The following TRADD variants were observed in gnomAD, a reference collection of about 807,000 sequenced individuals.
TRADD encodes tumor necrosis factor receptor type 1-associated DEATH domain protein.
A neutral mutation model predicts 31.5 loss-of-function variants in TRADD; 14 were observed. The ratio of observed to expected loss-of-function variants is 0.44; its 90% confidence interval spans 0.29 to 0.69. The LOEUF (loss-of-function observed/expected upper bound fraction) is 0.69, where lower values mean the gene tolerates loss of function less well. Among genes scored for constraint, TRADD ranks in the 30% least tolerant of loss-of-function variants. The pLI is 0.11. For synonymous variants in TRADD, 220 were observed against 215.8 expected, an observed-to-expected ratio of 1.02 and a Z score of -0.17; for missense variants, 388 against 435.7, an observed-to-expected ratio of 0.89 and a Z score of 0.97.
chr16:67,154,738 G>T lies in TRADD; in HGVS notation c.850C>A (p.Arg284Ser), dbSNP rs772642482. Residue 284 changes from arginine (R) to serine (S), a missense_variant, in exon 5 of 5, where the codon CGC (arginine) becomes AGC (serine). Transcript: ENST00000345057. This position sits in a 1 kb window ranked among gnomAD's most constrained non-coding sequence, Gnocchi z 5.2. The stretch of plus-strand genomic sequence containing the variant: ...TTCTCCTCGAGTGCCTCCACCAGGC[G>T]CTGCAGCGTGGCGCGGCGGCCCTCG... The part of the protein sequence containing the change: ...QAEGRRATLQ[R>S]LVEALEENEL... 1 of 1,611,180 alleles carries T rather than the reference G, an allele frequency of 6.2e-7. No individual in the cohort carries two copies. The highest frequency in any genetic ancestry group is 8.5e-7 in the Non-Finnish European group (1 of 1,179,150).
chr16:67,158,411 C>T (rs923382776), intron 1 of TRADD, among the ~76,000 whole-genome samples: 2 of 152,178 alleles, frequency 1.3e-5, no homozygotes, highest in African/African-American at 2.4e-5. Flanking sequence ...AGCGATCTGC[C>T]CACCTCAGCT....
chr16:67,156,361 C>A lies in TRADD; in HGVS notation c.151+149G>T. On this transcript the variant is annotated intron_variant, in intron 2 of 4. Coordinates refer to ENST00000345057, the MANE Select transcript of TRADD (RefSeq NM_003789.4). This position sits in a 1 kb window ranked among gnomAD's most constrained non-coding sequence, Gnocchi z 4.6. Reference sequence around the variant, plus strand: ...CACGCCTATCCTCAAGGTCATGCCACAAGCAAAGAAGAGAGTCTGCACAGC... The same window carrying A: ...CACGCCTATCCTCAAGGTCATGCCAAAAGCAAAGAAGAGAGTCTGCACAGC... The A allele has an allele frequency of 7.6e-7, 1 of 1,313,568 alleles. No individual in the cohort carries two copies. The highest frequency in any genetic ancestry group is 1.1e-6 in the Non-Finnish European group (1 of 948,212). 81.4% of individuals were successfully genotyped at this position (1,313,568 alleles called of 1,614,324 possible).
rs1313624958 is a variant in TRADD at position 67,159,102 on chromosome 16, T to C, written c.-9+736A>G. On this transcript the variant is annotated intron_variant, in intron 1 of 4. Coordinates refer to ENST00000345057, the MANE Select transcript of TRADD (RefSeq NM_003789.4). The surrounding 1 kb of genome is among the most constrained non-coding windows in gnomAD (Gnocchi z 6.8). ...GGGTAAAGAGGCCAGGGCCCTAGTT[T>C]CGCATCCGCCGACTGGCAGCTCTTC... Among the ~76,000 whole-genome samples the C allele has an allele frequency of 6.6e-6, 1 of 152,234 alleles. No homozygotes were observed. The highest frequency in any genetic ancestry group is 2.4e-5 in the African/African-American group (1 of 41,454).
In TRADD at chr16:67,155,473, C is replaced by A. The variant is rs569596640; in HGVS notation, c.333G>T (p.Ser111=). ...RSLAAALAQH[S]VPLQLELRAG... ...CGCGCAGCTCCAGTTGCAGCGGCAC[C>A]GAGTGCTGGGCGAGCGCGGCCGCCA... Residue 111 remains serine, a synonymous_variant, in exon 3 of 5, where the codon TCG becomes TCT. Transcript: ENST00000345057. 3 of 1,586,060 alleles carry A rather than the reference C, an allele frequency of 1.9e-6. No homozygotes were observed. The highest frequency in any genetic ancestry group is 1.1e-5 in the South Asian group (1 of 89,460).
intron 2 of TRADD, chr16:67,155,857 G>C: frequency 6.7e-7 from 1 of 1,499,280 alleles, no homozygotes; most frequent in Non-Finnish European, 8.9e-7. Context: ...CTGTCACAGG[G>C]AGCACCCTAA....
rs2030652203 is a variant in TRADD at position 67,155,494 on chromosome 16, C to G, written c.312G>C (p.Ala104=). The G allele has an allele frequency of 1.3e-6, 2 of 1,555,926 alleles. No individual in the cohort carries two copies. The highest frequency in any genetic ancestry group is 1.4e-5 in the African/African-American group (1 of 73,970). Residue 104 remains alanine, a synonymous_variant, in exon 3 of 5, where the codon GCG becomes GCC. Coordinates refer to ENST00000345057, the MANE Select transcript of TRADD (RefSeq NM_003789.4). ...ALRAALQRSL[A]AALAQHSVPL... is the part of the protein sequence containing the mutation. ...GCACCGAGTGCTGGGCGAGCGCGGC[C>G]GCCAGGCTCCTCTGCAGCGCGGCGC...
chr16:67,154,592 C>T lies in TRADD; in HGVS notation c.*57G>A. The T allele has an allele frequency of 6.4e-7, 1 of 1,573,474 alleles. No homozygotes were observed. The highest frequency in any genetic ancestry group is 8.6e-7 in the Non-Finnish European group (1 of 1,161,016). On this transcript the variant is annotated 3_prime_UTR_variant, in exon 5 of 5. Coordinates refer to ENST00000345057, the MANE Select transcript of TRADD (RefSeq NM_003789.4). The surrounding 1 kb of genome is among the most constrained non-coding windows in gnomAD (Gnocchi z 5.2). ...TGGATGGACAGGGGTTCAGCAATAGCCGCAGAAGGAACCCTAAGGCCATCC... is the reference window on the plus strand; with the variant it reads ...TGGATGGACAGGGGTTCAGCAATAGTCGCAGAAGGAACCCTAAGGCCATCC...
At position 67,154,576 on chromosome 16, in the gene TRADD, A is replaced by C; in HGVS notation, c.*73T>G. 4.6e-6 allele frequency: 7 copies of C among 1,536,708 alleles called. No individual in the cohort carries two copies. The highest frequency in any genetic ancestry group is 6.2e-6 in the Non-Finnish European group (7 of 1,136,858). On this transcript the variant is annotated 3_prime_UTR_variant, in exon 5 of 5. Coordinates refer to ENST00000345057, the MANE Select transcript of TRADD (RefSeq NM_003789.4). This position sits in a 1 kb window ranked among gnomAD's most constrained non-coding sequence, Gnocchi z 5.2. ...GAGTTTCAGGGTCCCGTGGATGGAC[A>C]GGGGTTCAGCAATAGCCGCAGAAGG...
chr16:67,154,630 A>G lies in TRADD; in HGVS notation c.*19T>C. 1 of 1,610,174 alleles carries G rather than the reference A, an allele frequency of 6.2e-7. No individual in the cohort carries two copies. Among genetic ancestry groups the G allele is most frequent in the South Asian group, 1.1e-5 (1 of 90,416 alleles). On this transcript the variant is annotated 3_prime_UTR_variant, in exon 5 of 5. Coordinates refer to ENST00000345057, the MANE Select transcript of TRADD (RefSeq NM_003789.4). This position sits in a 1 kb window ranked among gnomAD's most constrained non-coding sequence, Gnocchi z 5.2. Reference sequence around the variant, plus strand: ...CCTAAGGCCATCCAGGTTCTCCAAAAGCTGGCTGCACCCCTGGTCTAGGCC... The same window carrying G: ...CCTAAGGCCATCCAGGTTCTCCAAAGGCTGGCTGCACCCCTGGTCTAGGCC...
Position 67,156,462 on chromosome 16 carries a change from A to C in TRADD, c.151+48T>G, listed in dbSNP as rs780146273. The C allele has an allele frequency of 6.2e-7, 1 of 1,603,488 alleles. No individual in the cohort carries two copies. Among genetic ancestry groups the C allele is most frequent in the Non-Finnish European group, 8.5e-7 (1 of 1,179,868 alleles). On this transcript the variant is annotated intron_variant, in intron 2 of 4. Coordinates refer to ENST00000345057, the MANE Select transcript of TRADD (RefSeq NM_003789.4). The surrounding 1 kb of genome is among the most constrained non-coding windows in gnomAD (Gnocchi z 4.6). The stretch of plus-strand genomic sequence containing the variant: ...GGCTAAACCCAGGCCCACCCACAAA[A>C]TGCTCCAGGCCACCCCTTCCTCTCC...
chr16:67,156,336 C>CA lies in TRADD; in HGVS notation c.151+173dup. Reference sequence around the variant, plus strand: ...TAAATCATACACAGACTCGAGAACACACGCCTATCCTCAAGGTCATGCCAC... The same window carrying CA: ...TAAATCATACACAGACTCGAGAACACAACGCCTATCCTCAAGGTCATGCCAC... On this transcript the variant is annotated intron_variant, in intron 2 of 4. Coordinates refer to ENST00000345057, the MANE Select transcript of TRADD (RefSeq NM_003789.4). The surrounding 1 kb of genome is among the most constrained non-coding windows in gnomAD (Gnocchi z 4.6). 8.5e-7 allele frequency: 1 copy of CA among 1,179,574 alleles called. No homozygotes were observed. The highest frequency in any genetic ancestry group is 2.6e-5 in the East Asian group (1 of 39,166). The allele number at this position is 1,179,574 out of a possible 1,614,324, so 73.1% of individuals were successfully genotyped here.
At position 67,156,442 on chromosome 16, in the gene TRADD, A is replaced by G; in HGVS notation, c.151+68T>C. Reference sequence around the variant, plus strand: ...CAAATCTTCTTCTTAAAGGTGGCTAAACCCAGGCCCACCCACAAAATGCTC... The same window carrying G: ...CAAATCTTCTTCTTAAAGGTGGCTAGACCCAGGCCCACCCACAAAATGCTC... On this transcript the variant is annotated intron_variant, in intron 2 of 4. Transcript: ENST00000345057. This position sits in a 1 kb window ranked among gnomAD's most constrained non-coding sequence, Gnocchi z 4.6. The G allele has an allele frequency of 6.3e-7, 1 of 1,599,554 alleles. No homozygotes were observed. Among genetic ancestry groups the G allele is most frequent in the Non-Finnish European group, 8.5e-7 (1 of 1,178,992 alleles).
At position 67,155,079 on chromosome 16, in the gene TRADD, C is replaced by T. The variant is rs1360593632; in HGVS notation, c.628+17G>A. ...CTCCAACCTCCTGGTGACCCCGCCT[C>T]TCCACCTGCGCCTCACCTACAGGCT... On this transcript the variant is annotated intron_variant, in intron 4 of 4. Coordinates refer to ENST00000345057, the MANE Select transcript of TRADD (RefSeq NM_003789.4). 1.9e-6 allele frequency: 3 copies of T among 1,544,834 alleles called. No homozygotes were observed. Among genetic ancestry groups the T allele is most frequent in the East Asian group, 2.4e-5 (1 of 40,962 alleles).
chr16:67,156,502 C>A lies in TRADD; in HGVS notation c.151+8G>T, dbSNP rs374635241. ...CCTTCCTCTCCACATGCCCGCCCATCCACGCACCTGCCAAGGCAGCCTGCA... is the reference window on the plus strand; with the variant it reads ...CCTTCCTCTCCACATGCCCGCCCATACACGCACCTGCCAAGGCAGCCTGCA... On this transcript the variant is annotated splice_region_variant and intron_variant, in intron 2 of 4. Transcript: ENST00000345057. The surrounding 1 kb of genome is among the most constrained non-coding windows in gnomAD (Gnocchi z 4.6). The A allele has an allele frequency of 2.2e-5, 36 of 1,611,150 alleles. No individual in the cohort carries two copies. Among genetic ancestry groups the A allele is most frequent in the Non-Finnish European group, 2.9e-5 (34 of 1,180,022 alleles).
intron 1 of TRADD, among the ~76,000 whole-genome samples, chr16:67,157,349 G>C (rs2030734412): frequency 6.6e-6 from 1 of 152,184 alleles, no homozygotes; most frequent in East Asian, 1.9e-4. Context: ...GCAGTGATTA[G>C]TTCAGGGCGG....
In TRADD at chr16:67,154,377, A is replaced by G; in HGVS notation, c.*272T>C. 1.8e-6 allele frequency: 1 copy of G among 568,042 alleles called. No individual in the cohort carries two copies. Among genetic ancestry groups the G allele is most frequent in the Non-Finnish European group, 3.2e-6 (1 of 316,544 alleles). 35.2% of individuals were successfully genotyped at this position (568,042 alleles called of 1,614,324 possible). The stretch of plus-strand genomic sequence containing the variant: ...GAGTGAAACTGTAAGGGCTGGCTGT[A>G]AGCCCCGCTTCTGGGATGGGAGAAG... On this transcript the variant is annotated 3_prime_UTR_variant, in exon 5 of 5. Transcript: ENST00000345057. This position sits in a 1 kb window ranked among gnomAD's most constrained non-coding sequence, Gnocchi z 5.2.
At position 67,155,472 on chromosome 16, in the gene TRADD, C is replaced by T. The variant is rs2145907784; in HGVS notation, c.334G>A (p.Val112Met). The T allele has an allele frequency of 6.3e-7, 1 of 1,587,328 alleles. No homozygotes were observed. Among genetic ancestry groups the T allele is most frequent in the South Asian group, 1.1e-5 (1 of 89,604 alleles). Residue 112 changes from valine to methionine, a missense_variant, in exon 3 of 5, where the codon GTG becomes ATG. Physicochemically the swap from Val to Met is conservative, Grantham distance 21 (BLOSUM62 1). Transcript: ENST00000345057. ...GCGCGCAGCTCCAGTTGCAGCGGCA[C>T]CGAGTGCTGGGCGAGCGCGGCCGCC... ...SLAAALAQHS[V>M]PLQLELRAGA...
In TRADD at chr16:67,155,082, C is replaced by T; in HGVS notation, c.628+14G>A. 2 of 1,544,796 alleles carry T rather than the reference C, an allele frequency of 1.3e-6. No individual in the cohort carries two copies. Among genetic ancestry groups the T allele is most frequent in the Non-Finnish European group, 1.7e-6 (2 of 1,147,634 alleles). On this transcript the variant is annotated intron_variant, in intron 4 of 4. Coordinates refer to ENST00000345057, the MANE Select transcript of TRADD (RefSeq NM_003789.4). ...CAACCTCCTGGTGACCCCGCCTCTC[C>T]ACCTGCGCCTCACCTACAGGCTGAC...
intron 2 of TRADD, chr16:67,155,971 A>C: frequency 7.0e-7 from 1 of 1,436,122 alleles, no homozygotes; most frequent in Non-Finnish European, 9.2e-7. Context: ...CCCTGGGCAA[A>C]CAAGCCGTCT....
Sources: allele counts gnomAD v4.1 joint callset (sites outside exome capture counted in the v4.1 genomes callset), GRCh38; gene constraint gnomAD v4.1.1; non-coding constraint Gnocchi (gnomAD v3.1); transcripts MANE v1.5; gene names NCBI Gene and HGNC (gene_info 2026-07-23, HGNC 2026-07-21).